Variants in USP40 observed in about 807,000 individuals in gnomAD.
USP40 encodes the protein ubiquitin specific peptidase 40.
Under a neutral mutation model 166.2 loss-of-function variants are expected in USP40, and 143 were observed. The ratio of observed to expected loss-of-function variants is 0.86; its 90% CI spans 0.75 to 0.99. The LOEUF is 0.99. USP40 is among the 50% of genes least tolerant of loss of function. USP40 has a pLI of 0.00. For missense variants in USP40, 1,444 were observed against 1,479.7 expected (o/e 0.98, Z 0.40); for synonymous variants, 498 against 524.0 (o/e 0.95, Z 0.68).
chr2:233,561,516 T>C (rs1221857155), intron 3 of USP40, among the ~76,000 whole-genome samples: 1 of 148,428 alleles, frequency 6.7e-6, no homozygotes, highest in Non-Finnish European at 1.5e-5. Flanking sequence ...GCTAGCCATA[T>C]GTAGAAAGCT....
intron 21 of USP40, among the ~76,000 whole-genome samples, chr2:233,507,909 A>G (rs2066541896): frequency 6.6e-6 from 1 of 152,274 alleles, no homozygotes; most frequent in East Asian, 1.9e-4. Flanking sequence ...TTTAATCATT[A>G]TACAACACAT....
intron 13 of USP40, among the ~76,000 whole-genome samples, chr2:233,526,416 A>C (rs2068038244): frequency 6.6e-6 from 1 of 152,188 alleles, no homozygotes. Context: ...GCTCAGAAAT[A>C]AATTTCTAAT....
At chr2:233,529,915 C>T (rs1174570453) in intron 11 of USP40, among the ~76,000 whole-genome samples, 1 of 149,804 alleles carries the variant, frequency 6.7e-6, no homozygotes, top group Non-Finnish European at 1.5e-5. Context: ...ATTCTCGTGC[C>T]TCAGCCTCTG....
chr2:233,476,955 C>G lies in USP40; in HGVS notation c.*437G>C, dbSNP rs1183111088. 3.4e-6 allele frequency: 1 copy of G among 296,166 alleles called. No homozygotes were observed. The highest frequency in any genetic ancestry group is 4.9e-5 in the Admixed American group (1 of 20,270). 18.3% of individuals were successfully genotyped at this position (296,166 alleles called of 1,614,324 possible). ...CGCGGTGGCGCAGTGGCCTGAGACA[C>G]TGTGAGAAGCCGGTCAGGGCGAACG... On this transcript the variant is annotated 3_prime_UTR_variant, in exon 32 of 32. Coordinates refer to ENST00000678225, the MANE Select transcript of USP40 (RefSeq NM_001365479.2).
chr2:233,527,542 C>T lies in USP40; in HGVS notation c.1590G>A (p.Leu530=), dbSNP rs774289300. The T allele has an allele frequency of 2.5e-6, 4 of 1,612,006 alleles. No individual in the cohort carries two copies. In the South Asian group the frequency reaches 3.3e-5, roughly 13 times the overall value. ...ECDSANNTFE[L]HLHLGPQYHF... ...GATACTGAGGGCCCAGGTGAAGATG[C>T]AATTCAAAAGTATTGTTTGCAGAAT... Residue 530 remains leucine, a synonymous_variant, in exon 13 of 32, where the codon TTG becomes TTA. Coordinates refer to ENST00000678225, the MANE Select transcript of USP40 (RefSeq NM_001365479.2).
At chr2:233,558,389 A>G (rs1379034129) in intron 4 of USP40, among the ~76,000 whole-genome samples, 1 of 152,180 alleles carries the variant, frequency 6.6e-6, no homozygotes, top group Non-Finnish European at 1.5e-5. Context: ...AAAAACAAAA[A>G]ACATGTGGCA....
At chr2:233,558,826 G>A (rs150733643) in intron 4 of USP40, among the ~76,000 whole-genome samples, 6 of 151,914 alleles carry the variant, frequency 3.9e-5, no homozygotes, top group Non-Finnish European at 7.4e-5. Flanking sequence ...TCGGATTAAC[G>A]CCAAATACCA....
At chr2:233,496,293 A>G (rs539400143) in intron 24 of USP40, among the ~76,000 whole-genome samples, 1 of 152,366 alleles carries the variant, frequency 6.6e-6, no homozygotes, top group South Asian at 2.1e-4. Context: ...CAGTGAAATG[A>G]GCCCTCTCAT....
intron 8 of USP40, among the ~76,000 whole-genome samples, chr2:233,547,948 T>C (rs1273047451): frequency 6.6e-6 from 1 of 152,108 alleles, no homozygotes; most frequent in Non-Finnish European, 1.5e-5. Context: ...GTAGGGAGAC[T>C]TGTCCTACCA....
chr2:233,516,223 T>G (rs1248655315), intron 18 of USP40, among the ~76,000 whole-genome samples: 1 of 152,240 alleles, frequency 6.6e-6, no homozygotes, highest in Non-Finnish European at 1.5e-5. Flanking sequence ...TGAAATCAGA[T>G]AGTGTAACTC....
intron 10 of USP40, among the ~76,000 whole-genome samples, chr2:233,534,676 G>A (rs12615446): frequency 0.8 from 120,961 of 152,090 alleles, 48,180 homozygotes; most frequent in East Asian, 0.87. Flanking sequence ...TGAGAACAGA[G>A]GGTAAAACAG....
chr2:233,549,143 T>C lies in USP40; in HGVS notation c.924A>G (p.Val308=), dbSNP rs776667321. The C allele has an allele frequency of 2.5e-6, 4 of 1,602,906 alleles. No homozygotes were observed. The highest frequency in any genetic ancestry group is 1.1e-5 in the South Asian group (1 of 89,122). ...CCAAATGATCAACATCTTTAATATA[T>C]ACATGGTAATGGCCTCCGTAGCAGC... The part of the protein sequence containing the change: ...KGGCYGGHYH[V]YIKDVDHLGN... The change falls in exon 8 of 32, where the codon GTA becomes GTG. Residue 308 remains valine (V), a synonymous_variant. Transcript: ENST00000678225.
chr2:233,493,243 G>A lies in USP40; in HGVS notation c.2917+182C>T, dbSNP rs1221052410. The A allele has an allele frequency of 1.4e-5, 11 of 778,028 alleles. No individual in the cohort carries two copies. Among genetic ancestry groups the A allele is most frequent in the Admixed American group, 7.8e-5 (3 of 38,704 alleles). 48.2% of individuals were successfully genotyped at this position (778,028 alleles called of 1,614,324 possible). A position where few individuals can be genotyped will look rare whatever the true frequency, so the allele number is the denominator to read the frequency against. The stretch of plus-strand genomic sequence containing the variant: ...GTGCTTTACAGAGGTTACAGAGCAC[G>A]TACAGAAATGGCACAGTGTTATTAT... On this transcript the variant is annotated intron_variant, in intron 25 of 31. Coordinates refer to ENST00000678225, the MANE Select transcript of USP40 (RefSeq NM_001365479.2). The surrounding 1 kb of genome is among the most constrained non-coding windows in gnomAD (Gnocchi z 4.7).
intron 10 of USP40, among the ~76,000 whole-genome samples, chr2:233,536,600 G>A (rs2068952669): frequency 6.6e-6 from 1 of 152,118 alleles, no homozygotes; most frequent in South Asian, 2.1e-4. Flanking sequence ...GCAGTGAGCT[G>A]AGATTGTGCC....
chr2:233,565,530 C>T lies in USP40; in HGVS notation c.25G>A (p.Glu9Lys). 6.5e-7 allele frequency: 1 copy of T among 1,537,244 alleles called. No individual in the cohort carries two copies. The highest frequency in any genetic ancestry group is 1.2e-5 in the South Asian group (1 of 84,054). Residue 9 changes from glutamate to lysine, a missense_variant, in exon 2 of 32, where the codon GAG becomes AAG. Physicochemically the swap from Glu to Lys is moderately conservative, Grantham distance 56 (BLOSUM62 1). Coordinates refer to ENST00000678225, the MANE Select transcript of USP40 (RefSeq NM_001365479.2). ...TGATTATTAGACACAGTGGAATACT[C>T]CTCTTCAAACAGGTCCCCAAACATT... is the stretch of plus-strand genomic sequence containing the variant. MFGDLFEE[E>K]YSTVSNNQYG...
At position 233,533,647 on chromosome 2, in the gene USP40, G is replaced by A; in HGVS notation, c.1303C>T (p.Pro435Ser). ...CTATTGTTTAAACCTGGGGATTCTG[G>A]AGGAAGCATCTTGAAAATTTGCTGG... ...NDQQIFKMLP[P>S]ESPGLNNSIS... The change falls in exon 11 of 32, where the codon CCA becomes TCA. Residue 435 changes from proline (P) to serine (S), a missense_variant. Physicochemically the swap from Pro to Ser is moderately conservative, Grantham distance 74 (BLOSUM62 -1). Coordinates refer to ENST00000678225, the MANE Select transcript of USP40 (RefSeq NM_001365479.2). The A allele has an allele frequency of 6.2e-7, 1 of 1,613,800 alleles. No individual in the cohort carries two copies. Among genetic ancestry groups the A allele is most frequent in the Non-Finnish European group, 8.5e-7 (1 of 1,179,812 alleles).
intron 10 of USP40, among the ~76,000 whole-genome samples, chr2:233,538,994 G>A (rs146321367): frequency 2.6e-5 from 4 of 152,222 alleles, no homozygotes; most frequent in East Asian, 1.9e-4. Flanking sequence ...GTGCTCCTAC[G>A]CTTCAGTCTG....
At position 233,485,810 on chromosome 2, in the gene USP40, T is replaced by G. The variant is rs761945954; in HGVS notation, c.3365A>C (p.Lys1122Thr). 1 of 1,612,102 alleles carries G rather than the reference T, an allele frequency of 6.2e-7. No individual in the cohort carries two copies. The highest frequency in any genetic ancestry group is 1.7e-5 in the Admixed American group (1 of 59,574). Residue 1122 changes from lysine to threonine, a missense_variant, in exon 29 of 32, where the codon AAA (lysine) becomes ACA (threonine). Physicochemically the swap from Lys to Thr is moderately conservative, Grantham distance 78. Transcript: ENST00000678225. ...RLPVEKIEIAKYFPEKFEWLP... is the reference protein window; with the variant it reads ...RLPVEKIEIATYFPEKFEWLP... ...CCACTCGAACTTTTCGGGAAAGTAT[T>G]TGGCAATTTCAATCTTCTCCACGGG...
intron 11 of USP40, among the ~76,000 whole-genome samples, chr2:233,530,512 T>C (rs1277668643): frequency 2.0e-5 from 3 of 152,254 alleles, no homozygotes; most frequent in African/African-American, 7.2e-5. Context: ...GTAGAATTAC[T>C]GGTTTAAACG....
Sources: allele counts gnomAD v4.1 joint callset (sites outside exome capture counted in the v4.1 genomes callset), GRCh38; gene constraint gnomAD v4.1.1; non-coding constraint Gnocchi (gnomAD v3.1); transcripts MANE v1.5; gene names NCBI Gene and HGNC (gene_info 2026-07-23, HGNC 2026-07-21).